Variants in WDPCP observed in about 807,000 individuals in gnomAD.
The protein encoded by WDPCP is WD repeat containing planar cell polarity effector.
In WDPCP, 71 loss-of-function variants were observed where a neutral mutation model predicts 93.1. The ratio of observed to expected loss-of-function variants is 0.76; its 90% CI spans 0.63 to 0.93. The LOEUF (loss-of-function observed/expected upper bound fraction) is 0.93. Ranked by LOEUF, WDPCP falls within the 40% of genes least tolerant of loss-of-function variation. WDPCP has a pLI of 0.00. For synonymous variants in WDPCP, 315 were observed against 315.0 expected, an observed-to-expected ratio of 1.00 and a Z score of 0.00; for missense variants, 844 against 887.4, an observed-to-expected ratio of 0.95 and a Z score of 0.62.
chr2:63,627,699 C>T (rs542892827), intron 3 of WDPCP, among the ~76,000 whole-genome samples: 8 of 152,288 alleles, frequency 5.3e-5, no homozygotes, highest in African/African-American at 1.9e-4. Context: ...CAGAGACTGC[C>T]AGACTTGAAG....
At chr2:63,553,209 C>A (rs535862850) in intron 1 of WDPCP, among the ~76,000 whole-genome samples, 2 of 152,326 alleles carry the variant, frequency 1.3e-5, no homozygotes, top group Non-Finnish European at 2.9e-5. Flanking sequence ...AATAAAATTA[C>A]AAATGAGTAA....
intron 14 of WDPCP, among the ~76,000 whole-genome samples, chr2:63,204,095 G>C (rs1368952892): frequency 6.6e-6 from 1 of 152,126 alleles, no homozygotes; most frequent in Admixed American, 6.5e-5. Context: ...TCATGTGGTA[G>C]CTCTATTTTT....
chr2:63,461,465 A>C (rs1174123995), intron 6 of WDPCP, among the ~76,000 whole-genome samples: 2 of 152,194 alleles, frequency 1.3e-5, no homozygotes, highest in African/African-American at 4.8e-5. Context: ...GAAGCCAAGC[A>C]GATGCCAGCA....
At chr2:63,622,080 T>C in intron 3 of WDPCP, 2 of 1,090,842 alleles carry the variant, frequency 1.8e-6, no homozygotes, top group Non-Finnish European at 2.5e-6. Context: ...TTTTTTTTTT[T>C]TTTTGGAAGT....
At chr2:63,513,401 T>C (rs1702359361) in intron 1 of WDPCP, among the ~76,000 whole-genome samples, 2 of 152,056 alleles carry the variant, frequency 1.3e-5, no homozygotes, top group African/African-American at 4.8e-5. Flanking sequence ...GTAGGGGTTG[T>C]TGAGGCTCAG....
At chr2:63,796,490 T>C (rs1232877053) in intron 2 of WDPCP, among the ~76,000 whole-genome samples, 9 of 152,236 alleles carry the variant, frequency 5.9e-5, no homozygotes, top group Non-Finnish European at 1.2e-4. Flanking sequence ...GAATTGCTGG[T>C]ACTACCCCCT....
chr2:63,372,485 G>T lies in WDPCP; in HGVS notation c.1748+5901C>A, dbSNP rs1213489692. Among the ~76,000 whole-genome samples the T allele has an allele frequency of 2.6e-5, 4 of 152,232 alleles. No individual in the cohort carries two copies. In the East Asian group the frequency reaches 7.7e-4, roughly 29 times the overall value. ...AAAAATTACTCCTTGACATTTTCAT[G>T]AATTTTATTACCTAGAATATGGTCA... On this transcript the variant is annotated intron_variant, in intron 12 of 17. Transcript: ENST00000272321.
intron 14 of WDPCP, among the ~76,000 whole-genome samples, chr2:63,175,617 C>A (rs2104018220): frequency 6.6e-6 from 1 of 152,312 alleles, no homozygotes; most frequent in South Asian, 2.1e-4. Context: ...AGTTTGATAA[C>A]CAACGTGTTA....
At chr2:63,639,988 T>C (rs948465907) in intron 3 of WDPCP, among the ~76,000 whole-genome samples, 3 of 152,084 alleles carry the variant, frequency 2.0e-5, no homozygotes, top group Non-Finnish European at 4.4e-5. Flanking sequence ...GAGATCAAGA[T>C]TTAATGTTGT....
rs141235127 is a variant in WDPCP at position 63,727,762 on chromosome 2, T to C, written n.309-76924A>G. On this transcript the variant is annotated intron_variant and non_coding_transcript_variant, in intron 2 of 4. Coordinates refer to the WDPCP transcript ENST00000467687. The stretch of plus-strand genomic sequence containing the variant: ...TGGTCTGTTCAGAGTTTCAATTTTT[T>C]CCTAGTTCAGTCTTGGGAAGTTGTA... Among the ~76,000 whole-genome samples, 3 of 152,354 alleles carry C rather than the reference T, an allele frequency of 2.0e-5. No individual in the cohort carries two copies. The East Asian group carries it at 5.8e-4, about 29-fold the overall frequency.
intron 1 of WDPCP, among the ~76,000 whole-genome samples, chr2:63,539,821 T>C (rs753111894): frequency 3.8e-4 from 58 of 152,228 alleles, no homozygotes; most frequent in Non-Finnish European, 7.9e-4. Context: ...AATAATTCTA[T>C]TAAGTATTGC....
intron 17 of WDPCP, among the ~76,000 whole-genome samples, chr2:63,137,763 T>G (rs1559145629): frequency 6.6e-6 from 1 of 152,236 alleles, no homozygotes; most frequent in African/African-American, 2.4e-5. Context: ...AGTTTCAATT[T>G]TCTACATATA....
At chr2:63,781,020 G>T (rs1340224818) in intron 2 of WDPCP, among the ~76,000 whole-genome samples, 1 of 152,158 alleles carries the variant, frequency 6.6e-6, no homozygotes, top group Admixed American at 6.5e-5. Flanking sequence ...TTAGAATTGA[G>T]CCAACAATAG....
chr2:63,261,626 T>G (rs183222480), intron 13 of WDPCP, among the ~76,000 whole-genome samples: 1 of 152,340 alleles, frequency 6.6e-6, no homozygotes, highest in East Asian at 1.9e-4. Context: ...TGTTACCTCC[T>G]CTGAAAAGGA....
rs915514980 is a variant in WDPCP, at chr2:63,253,035, C to A, written c.1915+6272G>T. Among the ~76,000 whole-genome samples the A allele has an allele frequency of 2.0e-5, 3 of 151,948 alleles. No homozygotes were observed. The East Asian group carries it at 5.8e-4, about 29-fold the overall frequency. ...AACTATACTACAAGTCTGCAGTAAC[C>A]AAAACAACATAGTAGTAGTACAAAA... On this transcript the variant is annotated intron_variant, in intron 14 of 17. Coordinates refer to ENST00000272321, the MANE Select transcript of WDPCP (RefSeq NM_015910.7).
At chr2:63,378,117 T>A in intron 12 of WDPCP, 2 of 435,530 alleles carry the variant, frequency 4.6e-6, no homozygotes, top group South Asian at 4.9e-5. Flanking sequence ...TCAGTTAATA[T>A]TTCTACATTG....
At chr2:63,371,735 G>A (rs1691409229) in intron 12 of WDPCP, among the ~76,000 whole-genome samples, 1 of 151,966 alleles carries the variant, frequency 6.6e-6, no homozygotes, top group African/African-American at 2.4e-5. Flanking sequence ...CAGGGCCAGG[G>A]CCAAGGCTAA....
chr2:63,296,311 A>G (rs1054624259), intron 13 of WDPCP, among the ~76,000 whole-genome samples: 6 of 152,112 alleles, frequency 3.9e-5, no homozygotes. Flanking sequence ...AAAAACGGCC[A>G]TCTATGACAA....
At chr2:63,544,628 C>G (rs1249190944) in intron 1 of WDPCP, among the ~76,000 whole-genome samples, 1 of 152,088 alleles carries the variant, frequency 6.6e-6, no homozygotes, top group Non-Finnish European at 1.5e-5. Context: ...ATCTCCTCTT[C>G]TCTCTACTCC....
Sources: gnomAD v4.1 joint callset for allele counts (sites outside exome capture counted in the v4.1 genomes callset) on GRCh38, gnomAD v4.1.1 for gene constraint, MANE v1.5 for transcripts, NCBI Gene and HGNC (gene_info 2026-07-23, HGNC 2026-07-21) for gene names.